NUTF2: variants seen among roughly 807,000 people sequenced by gnomAD.
NUTF2 encodes placental protein 15.
NUTF2 carries 3 observed loss-of-function variants against 18.5 expected under a neutral mutation model. The ratio of observed to expected loss-of-function variants is 0.16; its 90% confidence interval spans 0.07 to 0.42. The LOEUF is 0.42. Ranked by LOEUF, NUTF2 falls within the 10% of genes least tolerant of loss-of-function variation. The probability of loss-of-function intolerance (pLI) is 0.99; values close to 1 mark genes in which losing one functional copy is unlikely to be tolerated. For synonymous variants in NUTF2, 51 were observed against 57.9 expected (o/e 0.88, Z 0.54); for missense variants, 44 against 160.7 (o/e 0.27, Z 3.93).
intron 1 of NUTF2, among the ~76,000 whole-genome samples, chr16:67,858,941 ATCC>A (rs1245633196): frequency 6.7e-6 from 1 of 148,820 alleles, no homozygotes; most frequent in Non-Finnish European, 1.5e-5. Flanking sequence ...GGCTCAAGCC[ATCC>A]TCCTACCTCA....
chr16:67,859,217 T>G (rs1320961639), intron 1 of NUTF2, among the ~76,000 whole-genome samples: 1 of 152,130 alleles, frequency 6.6e-6, no homozygotes, highest in African/African-American at 2.4e-5. Flanking sequence ...TCTCACTCTG[T>G]TGCCCAGGCT....
chr16:67,868,370 C>T lies in NUTF2; in HGVS notation c.130C>T (p.Gln44Ter). ...IDASCLTWEG[Q>*]QFQGKAAIVE... ...CGCGTCATGCCTTACGTGGGAAGGA[C>T]AACAGTTCCAGGGGAAAGCTGCCAT... The change falls in exon 3 of 5, where the codon CAA becomes TAA. Residue 44 changes from glutamine (Q) to a stop codon, truncating the protein, a stop_gained. Coordinates refer to ENST00000219169, the MANE Select transcript of NUTF2 (RefSeq NM_005796.3). LOFTEE classifies it high-confidence loss of function. The T allele has an allele frequency of 1.2e-6, 2 of 1,614,082 alleles. No homozygotes were observed. The highest frequency in any genetic ancestry group is 1.7e-6 in the Non-Finnish European group (2 of 1,180,026).
At chr16:67,856,661 A>G (rs953793765) in intron 1 of NUTF2, among the ~76,000 whole-genome samples, 2 of 151,714 alleles carry the variant, frequency 1.3e-5, no homozygotes, top group Non-Finnish European at 2.9e-5. Flanking sequence ...GGCGCCTGCC[A>G]CCACACATGG....
intron 1 of NUTF2, among the ~76,000 whole-genome samples, chr16:67,856,818 GC>G (rs2057901272): frequency 6.6e-6 from 1 of 152,158 alleles, no homozygotes; most frequent in Non-Finnish European, 1.5e-5. Flanking sequence ...CCCCATCTCG[GC>G]CAGTTTTGTG....
intron 2 of NUTF2, among the ~76,000 whole-genome samples, chr16:67,867,102 G>C (rs1014845181): frequency 2.8e-4 from 42 of 151,772 alleles, no homozygotes; most frequent in Admixed American, 4.6e-4. Flanking sequence ...CTCCCAAGTA[G>C]CTGGGGTTAC....
chr16:67,868,919 A>T (rs1182745382), intron 4 of NUTF2: 2 of 236,152 alleles, frequency 8.5e-6, no homozygotes, highest in Middle Eastern at 1.6e-3. Flanking sequence ...GTAGGATGGG[A>T]CTGGGGTGCC....
chr16:67,865,294 G>A (rs1204907833), intron 2 of NUTF2, 65 bp downstream of exon 2: 16 of 1,171,988 alleles, frequency 1.4e-5, no homozygotes, highest in Non-Finnish European at 1.9e-5. Context: ...GGGCCAGTGT[G>A]TCCAGTTCAC....
intron 2 of NUTF2, among the ~76,000 whole-genome samples, chr16:67,867,547 C>T (rs2151300763): frequency 6.6e-6 from 1 of 151,912 alleles, no homozygotes; most frequent in East Asian, 1.9e-4. Context: ...AGGGAGGGTC[C>T]CAGACTAGGC....
intron 1 of NUTF2, chr16:67,856,248 C>T (rs200921193): frequency 4.6e-5 from 9 of 197,730 alleles, no homozygotes; most frequent in African/African-American, 1.2e-4. Flanking sequence ...GCTGGAGTGC[C>T]GTGGTGTGAT....
intron 1 of NUTF2, among the ~76,000 whole-genome samples, chr16:67,848,828 T>C (rs563819884): frequency 6.6e-6 from 1 of 151,898 alleles, no homozygotes; most frequent in South Asian, 2.1e-4. Flanking sequence ...ATATCAGGTC[T>C]CTTAGAAGGG....
At chr16:67,853,524 A>G (rs915476963) in intron 1 of NUTF2, among the ~76,000 whole-genome samples, 2 of 151,800 alleles carry the variant, frequency 1.3e-5, no homozygotes, top group Non-Finnish European at 2.9e-5. Flanking sequence ...TGCTTGGCTA[A>G]TTTTTGTATT....
chr16:67,855,132 T>G (rs1276784770), intron 1 of NUTF2, among the ~76,000 whole-genome samples: 1 of 152,192 alleles, frequency 6.6e-6, no homozygotes, highest in Non-Finnish European at 1.5e-5. Flanking sequence ...TCTCTTCCTT[T>G]GATCATATAT....
chr16:67,867,409 T>G (rs1457225971), intron 2 of NUTF2, among the ~76,000 whole-genome samples: 1 of 152,220 alleles, frequency 6.6e-6, no homozygotes, highest in East Asian at 1.9e-4. Flanking sequence ...GAGAAATAAC[T>G]TACTTAATGT....
intron 1 of NUTF2, among the ~76,000 whole-genome samples, chr16:67,863,243 G>C (rs1448789881): frequency 3.9e-5 from 6 of 152,204 alleles, no homozygotes; most frequent in Admixed American, 3.3e-4. Context: ...GACACACCTT[G>C]TGTTCCTGTG....
intron 1 of NUTF2, among the ~76,000 whole-genome samples, chr16:67,858,468 C>T (rs964362748): frequency 6.6e-6 from 1 of 152,110 alleles, no homozygotes; most frequent in Non-Finnish European, 1.5e-5. Context: ...TACCTGGCCA[C>T]TAGACAGCAA....
chr16:67,871,833 C>T lies in NUTF2; in HGVS notation c.*920C>T, dbSNP rs1216882452. On this transcript the variant is annotated 3_prime_UTR_variant, in exon 5 of 5. Transcript: ENST00000219169. Reference sequence around the variant, plus strand: ...GAGGGCAGCTCAGCTCCTGTCCCATCTGCTTTGGATATCTTTACCCAAAGG... The same window carrying T: ...GAGGGCAGCTCAGCTCCTGTCCCATTTGCTTTGGATATCTTTACCCAAAGG... 6.6e-6 allele frequency: 1 copy of T among 152,358 alleles called. No homozygotes were observed. The highest frequency in any genetic ancestry group is 1.5e-5 in the Non-Finnish European group (1 of 68,152). 9.4% of individuals were successfully genotyped at this position (152,358 alleles called of 1,614,324 possible). A position where few individuals can be genotyped will look rare whatever the true frequency, so the allele number is the denominator to read the frequency against.
At chr16:67,858,874 C>CTTT (rs1207363589) in intron 1 of NUTF2, among the ~76,000 whole-genome samples, 1 of 140,286 alleles carries the variant, frequency 7.1e-6, no homozygotes, top group African/African-American at 2.6e-5. Flanking sequence ...CTTCAGGACA[C>CTTT]TTTTTTTTTT....
chr16:67,864,904 C>A (rs145714524), intron 1 of NUTF2, among the ~76,000 whole-genome samples, 198 bp from the exon 2 acceptor site: 1 of 152,296 alleles, frequency 6.6e-6, no homozygotes, highest in East Asian at 1.9e-4. Flanking sequence ...GAGGCTGGGT[C>A]TGATCTACCT....
chr16:67,865,371 G>A (rs563258504), intron 2 of NUTF2, 142 bp downstream of exon 2: 1 of 598,586 alleles, frequency 1.7e-6, no homozygotes, highest in Non-Finnish European at 3.0e-6. Flanking sequence ...CGGGACAGGG[G>A]TCTGACGCTT....
Sources: gnomAD v4.1 joint callset for allele counts (sites outside exome capture counted in the v4.1 genomes callset) on GRCh38, gnomAD v4.1.1 for gene constraint, MANE v1.5 for transcripts, NCBI Gene and HGNC (gene_info 2026-07-23, HGNC 2026-07-21) for gene names.